The following NCOR2 variants were observed in gnomAD, a reference collection of about 807,000 sequenced individuals.
NCOR2 encodes the protein CTG repeat protein 26.
NCOR2 carries 81 observed loss-of-function variants against 262.9 expected under a neutral mutation model. The ratio of observed to expected loss-of-function variants is 0.31; its 90% confidence interval spans 0.26 to 0.37. NCOR2 has a LOEUF of 0.37. Ranked by LOEUF, NCOR2 falls within the 10% of genes least tolerant of loss-of-function variation. The pLI is 1.00. For missense variants in NCOR2, 3,385 were observed against 3,621.4 expected (o/e 0.93, Z 1.68); for synonymous variants, 1,659 against 1,559.3 (o/e 1.06, Z -1.51).
intron 32 of NCOR2, 127 bp from the exon 35 acceptor site, chr12:124,343,353 C>T (rs1179081328): frequency 1.4e-6 from 1 of 698,070 alleles, no homozygotes; most frequent in Non-Finnish European, 2.3e-6. Flanking sequence ...TCTTCATTGC[C>T]TTAGTTCACT....
exon 34 of NCOR2, chr12:124,341,894 C>A (rs757528674): frequency 6.2e-7 from 1 of 1,612,596 alleles, no homozygotes; most frequent in Admixed American, 1.7e-5. Context: ...CATATCAGCT[C>A]GCTGGGCCAT....
At position 124,481,120 on chromosome 12, in the gene NCOR2, G is replaced by A. The variant is rs1437584515; in HGVS notation, c.411+2476C>T. 6.6e-6 allele frequency among the ~76,000 whole-genome samples: 1 copy of A among 151,570 alleles called. No homozygotes were observed. The highest frequency in any genetic ancestry group is 1.5e-5 in the Non-Finnish European group (1 of 67,854). On this transcript the variant is annotated intron_variant, in intron 3 of 46. Coordinates refer to ENST00000405201, the Ensembl canonical transcript of NCOR2. The surrounding 1 kb of genome is among the most constrained non-coding windows in gnomAD (Gnocchi z 4.6). Reference sequence around the variant, plus strand: ...GCAGGGGGTGAAGGGGAGTGAGCAGGACAGGGGGGCTGTTTGGGTGGAAAG... The same window carrying A: ...GCAGGGGGTGAAGGGGAGTGAGCAGAACAGGGGGGCTGTTTGGGTGGAAAG...
At chr12:124,343,117 G>A in exon 33 of NCOR2, 5 of 1,612,548 alleles carry the variant, frequency 3.1e-6, no homozygotes, top group Non-Finnish European at 4.2e-6. Flanking sequence ...CATAGGGCGA[G>A]ATGGGGTGTG....
At chr12:124,367,089 C>T (rs995154382) in intron 20 of NCOR2, among the ~76,000 whole-genome samples, 1 of 152,080 alleles carries the variant, frequency 6.6e-6, no homozygotes, top group Non-Finnish European at 1.5e-5. Context: ...ACACACAAAA[C>T]ATGAGGTGCC....
chr12:124,346,568 G>A (rs762802450), exon 31 of NCOR2: 32 of 1,550,486 alleles, frequency 2.1e-5, no homozygotes, highest in East Asian at 4.6e-5. Context: ...CCATACCTGC[G>A]TGATGGAGCC....
At chr12:124,550,513 G>C (rs574726668) in intron 1 of NCOR2, among the ~76,000 whole-genome samples, 10 of 152,134 alleles carry the variant, frequency 6.6e-5, no homozygotes, top group Admixed American at 4.6e-4. Context: ...GATGGTGAAC[G>C]GGGGGGAGGA....
Position 124,335,645 on chromosome 12 carries a change from G to T in NCOR2, c.6116-13C>A, listed in dbSNP as rs778039809. On this transcript the variant is annotated splice_polypyrimidine_tract_variant and intron_variant, in intron 38 of 46. Transcript: ENST00000405201. Reference sequence around the variant, plus strand: ...CTGCCGTGGTAACCTAGGGCAGGCGGGGGGTGCAGAGTCAGGCACCGGGCC... The same window carrying T: ...CTGCCGTGGTAACCTAGGGCAGGCGTGGGGTGCAGAGTCAGGCACCGGGCC... 3.4e-5 allele frequency: 54 copies of T among 1,590,782 alleles called. No homozygotes were observed. Among genetic ancestry groups the T allele is most frequent in the Non-Finnish European group, 4.5e-5 (53 of 1,172,128 alleles).
chr12:124,360,975 C>T (rs577804861), intron 22 of NCOR2, among the ~76,000 whole-genome samples: 1 of 152,272 alleles, frequency 6.6e-6, no homozygotes, highest in South Asian at 2.1e-4. Flanking sequence ...ACCTAATCCC[C>T]GCTCTGCCAG....
rs2041069745 is a variant in NCOR2 at position 124,389,072 on chromosome 12, G to A, written c.1877-3185C>T. 6.6e-6 allele frequency among the ~76,000 whole-genome samples: 1 copy of A among 152,254 alleles called. No individual in the cohort carries two copies. The highest frequency in any genetic ancestry group is 1.5e-5 in the Non-Finnish European group (1 of 68,036). On this transcript the variant is annotated intron_variant, in intron 16 of 46. Transcript: ENST00000405201. The surrounding 1 kb of genome is among the most constrained non-coding windows in gnomAD (Gnocchi z 4.4). ...CGAGGTGCCCTTCCCCGAGGGTGGT[G>A]GGTGGCGGGAAGTTGTCAGTGGTGC...
At chr12:124,365,885 C>A (rs1465014476) in intron 20 of NCOR2, among the ~76,000 whole-genome samples, 1 of 152,192 alleles carries the variant, frequency 6.6e-6, no homozygotes, top group Non-Finnish European at 1.5e-5. Flanking sequence ...GGTCCAAACA[C>A]AGATGGTATC....
At chr12:124,394,302 G>T (rs1419265166) in intron 16 of NCOR2, among the ~76,000 whole-genome samples, 1 of 152,250 alleles carries the variant, frequency 6.6e-6, no homozygotes, top group Non-Finnish European at 1.5e-5. Flanking sequence ...AAACAGATGG[G>T]CCAGGCCAAG....
At chr12:124,402,253 C>A (rs2042024054) in intron 14 of NCOR2, 151 bp downstream of exon 16, 4 of 1,438,786 alleles carry the variant, frequency 2.8e-6, no homozygotes, top group Non-Finnish European at 3.7e-6. Flanking sequence ...GGAAGGGGGG[C>A]TGTCAGGGGC....
chr12:124,423,244 G>A (rs1565929297), intron 11 of NCOR2, among the ~76,000 whole-genome samples: 1 of 152,188 alleles, frequency 6.6e-6, no homozygotes, highest in Non-Finnish European at 1.5e-5. Flanking sequence ...GTGGGTCAAG[G>A]CCTGCTCCAC....
rs138389927 is a variant in NCOR2, at chr12:124,490,191, C to T, written c.106-3623G>A. 3.9e-4 allele frequency among the ~76,000 whole-genome samples: 59 copies of T among 152,246 alleles called. No homozygotes were observed. In the East Asian group the frequency reaches 0.01, roughly 26 times the overall value. ...CTGGCCCTCTCCCTTCCTCCAGGTT[C>T]AGCTCCAAAGGCAGCTTCTCAGTGA... On this transcript the variant is annotated intron_variant, in intron 1 of 46. Transcript: ENST00000405201.
At chr12:124,335,765 C>G in intron 38 of NCOR2, 133 bp from the exon 41 acceptor site, 1 of 1,020,606 alleles carries the variant, frequency 9.8e-7, no homozygotes, top group Non-Finnish European at 1.4e-6. Context: ...AGGGTTTGGG[C>G]TCCCAAAGAC....
At chr12:124,347,793 G>T in intron 30 of NCOR2, 32 bp downstream of exon 32, 1 of 1,550,250 alleles carries the variant, frequency 6.5e-7, no homozygotes, top group East Asian at 2.4e-5. Flanking sequence ...CACCCGTTGG[G>T]GGCAACGAGG....
rs1328030946 is a variant in NCOR2, at chr12:124,347,792, G to A, written c.4072+33C>T. 6 of 1,549,934 alleles carry A rather than the reference G, an allele frequency of 3.9e-6. No homozygotes were observed. In the East Asian group the frequency reaches 1.2e-4, roughly 31 times the overall value. On this transcript the variant is annotated intron_variant, in intron 30 of 46. Transcript: ENST00000405201. ...GCCCTGCGTGACTGTACACCCGTTG[G>A]GGGCAACGAGGGAGCAGGGAACAGG...
chr12:124,462,322 T>C (rs978141952), intron 5 of NCOR2, among the ~76,000 whole-genome samples: 1 of 152,092 alleles, frequency 6.6e-6, no homozygotes, highest in African/African-American at 2.4e-5. Context: ...ATCTGCAGAT[T>C]GGGGGCAGCA....
chr12:124,438,080 GC>G, intron 7 of NCOR2, 84 bp from the exon 10 acceptor site: 1 of 1,369,444 alleles, frequency 7.3e-7, no homozygotes. Context: ...CTGAGAGTGA[GC>G]CCCAAATTTG....
Sources: gnomAD v4.1 joint callset for allele counts (sites outside exome capture counted in the v4.1 genomes callset) on GRCh38, gnomAD v4.1.1 for gene constraint, Gnocchi (gnomAD v3.1) non-coding constraint, MANE v1.5 for transcripts, NCBI Gene and HGNC (gene_info 2026-07-23, HGNC 2026-07-21) for gene names.